The following SLC4A10 variants were observed in gnomAD, a reference collection of about 807,000 sequenced individuals.
SLC4A10 encodes the protein sodium-driven chloride bicarbonate exchanger.
A neutral mutation model predicts 137.7 loss-of-function variants in SLC4A10; 42 were observed. The observed-to-expected ratio is 0.30, with a 90% CI of 0.24 to 0.39. The LOEUF is 0.39. Among genes scored for constraint, SLC4A10 ranks in the 10% least tolerant of loss-of-function variants. The pLI is 1.00. For missense variants in SLC4A10, 925 were observed against 1,355.0 expected (o/e 0.68, Z 4.98); for synonymous variants, 474 against 464.1 (o/e 1.02, Z -0.27).
At chr2:161,809,718 C>T (rs1047022861) in intron 3 of SLC4A10, among the ~76,000 whole-genome samples, 2 of 151,960 alleles carry the variant, frequency 1.3e-5, no homozygotes, top group Non-Finnish European at 2.9e-5. Flanking sequence ...ATTCTCTATT[C>T]TATTCCATTA....
At chr2:161,957,428 A>C (rs1695858390) in intron 20 of SLC4A10, among the ~76,000 whole-genome samples, 188 bp downstream of exon 20, 1 of 152,100 alleles carries the variant, frequency 6.6e-6, no homozygotes, top group South Asian at 2.1e-4. Context: ...ATATTTTAAA[A>C]CCCTTAAATA....
intron 1 of SLC4A10, among the ~76,000 whole-genome samples, chr2:161,687,366 G>A (rs1056341624): frequency 1.4e-4 from 22 of 151,936 alleles, no homozygotes; most frequent in African/African-American, 5.1e-4. Flanking sequence ...TGCTTTTTGT[G>A]TTTTCTATGC....
chr2:161,886,587 T>C (rs1194986007), intron 10 of SLC4A10, among the ~76,000 whole-genome samples: 3 of 152,226 alleles, frequency 2.0e-5, no homozygotes, highest in African/African-American at 4.8e-5. Flanking sequence ...TGTGACATTA[T>C]TGAAAATCAC....
At chr2:161,747,967 C>T (rs889867253) in intron 1 of SLC4A10, among the ~76,000 whole-genome samples, 25 of 152,074 alleles carry the variant, frequency 1.6e-4, no homozygotes, top group Non-Finnish European at 5.9e-5. Flanking sequence ...TACCTTATGT[C>T]TTATGTCTGT....
intron 11 of SLC4A10, among the ~76,000 whole-genome samples, chr2:161,897,951 T>C (rs545028622): frequency 2.0e-5 from 3 of 152,260 alleles, no homozygotes; most frequent in East Asian, 1.9e-4. Flanking sequence ...TTGTGAACAA[T>C]AATGTTTTTG....
rs905509789 is a variant in SLC4A10, at chr2:161,890,045, A to C, written c.1195-4634A>C. The stretch of plus-strand genomic sequence containing the variant: ...TATTTCTGCTTTAATTTCGTTATTT[A>C]CCCAGTAGTAATTCAGGAGCAGGTT... On this transcript the variant is annotated intron_variant, in intron 10 of 26. Coordinates refer to ENST00000446997, the MANE Select transcript of SLC4A10 (RefSeq NM_001178015.2). Among the ~76,000 whole-genome samples the C allele has an allele frequency of 2.6e-5, 4 of 152,278 alleles. No homozygotes were observed. In the South Asian group the frequency reaches 6.2e-4, roughly 24 times the overall value.
At chr2:161,908,198 C>T (rs1377749366) in intron 15 of SLC4A10, among the ~76,000 whole-genome samples, 1 of 151,624 alleles carries the variant, frequency 6.6e-6, no homozygotes, top group Admixed American at 6.6e-5. Context: ...AATGTCAGGT[C>T]GCAGAAGGCA....
chr2:161,659,643 A>G (rs916720072), intron 1 of SLC4A10, among the ~76,000 whole-genome samples: 1 of 152,224 alleles, frequency 6.6e-6, no homozygotes, highest in African/African-American at 2.4e-5. Context: ...AAATAAATAA[A>G]TAAAAAATAA....
At chr2:161,863,152 G>A (rs779203515) in intron 6 of SLC4A10, 90 bp downstream of exon 6, 63 of 1,203,696 alleles carry the variant, frequency 5.2e-5, no homozygotes, top group Non-Finnish European at 7.1e-5. Context: ...TGTTTTATTT[G>A]AAAATGATTT....
chr2:161,808,288 T>G (rs1559295482), intron 3 of SLC4A10, among the ~76,000 whole-genome samples: 1 of 152,200 alleles, frequency 6.6e-6, no homozygotes, highest in Non-Finnish European at 1.5e-5. Context: ...CTCTTTTATA[T>G]TTTTTCATCA....
chr2:161,696,187 T>C (rs2042481658), intron 1 of SLC4A10, among the ~76,000 whole-genome samples: 1 of 151,930 alleles, frequency 6.6e-6, no homozygotes, highest in Non-Finnish European at 1.5e-5. Flanking sequence ...CCTGTGATTG[T>C]TTGCTGAGAA....
intron 3 of SLC4A10, among the ~76,000 whole-genome samples, chr2:161,836,176 A>C (rs2058754134): frequency 6.6e-6 from 1 of 152,222 alleles, no homozygotes; most frequent in Non-Finnish European, 1.5e-5. Flanking sequence ...GAGAAAGAGT[A>C]TGAAGCAAAC....
chr2:161,983,904 C>T lies in SLC4A10; in HGVS notation c.*752C>T, dbSNP rs1700540555. The T allele has an allele frequency of 6.6e-6, 1 of 152,168 alleles. No individual in the cohort carries two copies. The highest frequency in any genetic ancestry group is 2.4e-5 in the African/African-American group (1 of 41,442). The allele number at this position is 152,168 out of a possible 1,614,324, so 9.4% of individuals were successfully genotyped here. A position where few individuals can be genotyped will look rare whatever the true frequency, so the allele number is the denominator to read the frequency against. Reference sequence around the variant, plus strand: ...TCAAGTTGTGACTAATGATCAAATACTAGGCTTGTACGAAATGCTTTAGAA... The same window carrying T: ...TCAAGTTGTGACTAATGATCAAATATTAGGCTTGTACGAAATGCTTTAGAA... On this transcript the variant is annotated 3_prime_UTR_variant, in exon 27 of 27. Transcript: ENST00000446997.
At chr2:161,659,327 C>T (rs764322287) in intron 1 of SLC4A10, among the ~76,000 whole-genome samples, 2 of 152,106 alleles carry the variant, frequency 1.3e-5, no homozygotes, top group Non-Finnish European at 2.9e-5. Context: ...TAATTGGGAA[C>T]TAAATAATGT....
intron 3 of SLC4A10, among the ~76,000 whole-genome samples, chr2:161,825,406 A>G (rs1231311267): frequency 6.6e-6 from 1 of 152,196 alleles, no homozygotes; most frequent in African/African-American, 2.4e-5. Flanking sequence ...CCTTAGGCTT[A>G]GCAAGAATTT....
chr2:161,713,405 T>C (rs1341037156), intron 1 of SLC4A10, among the ~76,000 whole-genome samples: 1 of 151,704 alleles, frequency 6.6e-6, no homozygotes, highest in Non-Finnish European at 1.5e-5. Flanking sequence ...GTAGACAAGG[T>C]AGGGGGTAGA....
intron 3 of SLC4A10, among the ~76,000 whole-genome samples, chr2:161,815,768 A>G (rs1161586434): frequency 1.3e-5 from 2 of 152,148 alleles, no homozygotes; most frequent in Non-Finnish European, 2.9e-5. Flanking sequence ...TAAATAATTG[A>G]CCAAGAATCA....
At chr2:161,780,306 A>G (rs2052857857) in intron 2 of SLC4A10, among the ~76,000 whole-genome samples, 1 of 152,058 alleles carries the variant, frequency 6.6e-6, no homozygotes. Context: ...CAAGAAGACA[A>G]CAGTCATAAA....
chr2:161,787,965 A>C (rs986597461), intron 2 of SLC4A10, among the ~76,000 whole-genome samples: 2 of 152,122 alleles, frequency 1.3e-5, no homozygotes, highest in African/African-American at 4.8e-5. Context: ...CAAGGTGTTA[A>C]AACACTCTGT....
Sources: gnomAD v4.1 joint callset for allele counts (sites outside exome capture counted in the v4.1 genomes callset) on GRCh38, gnomAD v4.1.1 for gene constraint, MANE v1.5 for transcripts, NCBI Gene and HGNC (gene_info 2026-07-23, HGNC 2026-07-21) for gene names.